STOX1: variants seen among roughly 807,000 people sequenced by gnomAD.
The protein encoded by STOX1 is storkhead box 1.
In STOX1, 57 loss-of-function variants were observed where a neutral mutation model predicts 74.8. The observed-to-expected ratio is 0.76, with a 90% CI of 0.62 to 0.95. The LOEUF (loss-of-function observed/expected upper bound fraction) is 0.95. Among genes scored for constraint, STOX1 ranks in the 40% least tolerant of loss-of-function variants. STOX1 has a pLI of 0.00. For missense variants in STOX1, 1,010 were observed against 1,117.0 expected, an observed-to-expected ratio of 0.90 and a Z score of 1.37; for synonymous variants, 375 against 401.3, an observed-to-expected ratio of 0.93 and a Z score of 0.78.
intron 1 of STOX1, among the ~76,000 whole-genome samples, chr10:68,861,938 T>C (rs1254522558): frequency 6.6e-6 from 1 of 152,064 alleles, no homozygotes; most frequent in Non-Finnish European, 1.5e-5. Flanking sequence ...GATACAAAAG[T>C]CAGAAGTATT....
At chr10:68,887,744 C>T (rs1186802442) in intron 3 of STOX1, among the ~76,000 whole-genome samples, 2 of 151,500 alleles carry the variant, frequency 1.3e-5, no homozygotes, top group Non-Finnish European at 2.9e-5. Flanking sequence ...CAGCCATGCA[C>T]CACAACACCC....
intron 1 of STOX1, among the ~76,000 whole-genome samples, chr10:68,868,515 T>C (rs1487918348): frequency 6.6e-6 from 1 of 152,184 alleles, no homozygotes; most frequent in African/African-American, 2.4e-5. Context: ...GTGAGCATCA[T>C]AGCCATCACG....
At chr10:68,862,092 C>T (rs567167739) in intron 1 of STOX1, among the ~76,000 whole-genome samples, 92 of 151,906 alleles carry the variant, frequency 6.1e-4, no homozygotes, top group Non-Finnish European at 1.1e-3. Context: ...ATTCTTTTGC[C>T]GTTTAGTTAC....
In STOX1 at chr10:68,850,501, A is replaced by G. The variant is rs79041953; in HGVS notation, c.310+22568A>G. On this transcript the variant is annotated intron_variant, in intron 1 of 3. Transcript: ENST00000298596. ...CACAAAGTGCATAAAATAGTTGAAG[A>G]CATCCTTTTCAGAAGGAAGCCTGGT... is the stretch of plus-strand genomic sequence containing the variant. Among the ~76,000 whole-genome samples the G allele has an allele frequency of 1.8e-3, 279 of 152,358 alleles. 3 individuals are homozygous for G. Among genetic ancestry groups the G allele is most frequent in the African/African-American group, 6.4e-3 (265 of 41,582 alleles).
downstream of STOX1, among the ~76,000 whole-genome samples, chr10:68,893,478 C>T (rs1293380012): frequency 1.3e-5 from 2 of 152,184 alleles, no homozygotes; most frequent in South Asian, 4.1e-4. Context: ...AGTGCAGTCG[C>T]ACAATCTCGG....
intron 1 of STOX1, among the ~76,000 whole-genome samples, chr10:68,865,653 C>CA (rs768781149): frequency 2.0e-5 from 3 of 151,878 alleles, no homozygotes; most frequent in Non-Finnish European, 2.9e-5. Context: ...CATCTCGAAA[C>CA]AAAAAAACAA....
intron 1 of STOX1, among the ~76,000 whole-genome samples, chr10:68,876,490 CG>C (rs1435121233): frequency 1.5e-5 from 2 of 137,852 alleles, no homozygotes; most frequent in African/African-American, 2.7e-5. Context: ...TAAATCCTTT[CG>C]TAGTACAGCA....
chr10:68,883,576 G>A (rs1045442450), intron 2 of STOX1, among the ~76,000 whole-genome samples: 1 of 151,866 alleles, frequency 6.6e-6, no homozygotes, highest in African/African-American at 2.4e-5. Context: ...ACCATGCCCT[G>A]CTAATTTTTG....
chr10:68,830,635 G>A (rs960295308), intron 1 of STOX1, among the ~76,000 whole-genome samples: 30 of 152,050 alleles, frequency 2.0e-4, no homozygotes, highest in East Asian at 7.7e-4. Flanking sequence ...GAGCTACCGC[G>A]CCTGACGATT....
At chr10:68,857,154 T>A (rs534963896) in intron 1 of STOX1, among the ~76,000 whole-genome samples, 2 of 152,084 alleles carry the variant, frequency 1.3e-5, no homozygotes, top group African/African-American at 4.8e-5. Context: ...GAGAAAAAAA[T>A]AATATGCAAA....
At chr10:68,840,784 A>G (rs763614747) in intron 1 of STOX1, among the ~76,000 whole-genome samples, 66 of 149,842 alleles carry the variant, frequency 4.4e-4, no homozygotes, top group Non-Finnish European at 6.2e-4. Context: ...CTTGTCTTGA[A>G]CTCCTGAGTT....
In STOX1 at chr10:68,885,864, G is replaced by A; in HGVS notation, c.2068G>A (p.Asp690Asn). Residue 690 changes from aspartate to asparagine, a missense_variant, in exon 3 of 4, where the codon GAC (aspartate) becomes AAC (asparagine). By Grantham distance (23) the Asp-to-Asn change is conservative (BLOSUM62 1). Coordinates refer to ENST00000298596, the MANE Select transcript of STOX1 (RefSeq NM_152709.5). ...PLRQAARQDK[D>N]SEELLRKGFV... ...AAGACAAGCTGCAAGACAAGACAAAGACTCAGAAGAATTATTGAGAAAAGG... is the reference window on the plus strand; with the variant it reads ...AAGACAAGCTGCAAGACAAGACAAAAACTCAGAAGAATTATTGAGAAAAGG... 2 of 1,614,088 alleles carry A rather than the reference G, an allele frequency of 1.2e-6. No homozygotes were observed. The highest frequency in any genetic ancestry group is 2.2e-5 in the South Asian group (2 of 91,088).
chr10:68,841,147 A>G (rs909508019), intron 1 of STOX1, among the ~76,000 whole-genome samples: 3 of 150,458 alleles, frequency 2.0e-5, no homozygotes, highest in African/African-American at 7.3e-5. Flanking sequence ...CGGTTTCACC[A>G]TGTTGGTCAG....
At chr10:68,866,180 T>A (rs143071252) in intron 1 of STOX1, among the ~76,000 whole-genome samples, 1,859 of 152,214 alleles carry the variant, frequency 0.012, 55 homozygotes, top group Non-Finnish European at 0.011. Flanking sequence ...GTTCAGAAGT[T>A]ATAGTTGGTT....
intron 1 of STOX1, among the ~76,000 whole-genome samples, chr10:68,875,453 G>A (rs1189489228): frequency 6.6e-6 from 1 of 152,072 alleles, no homozygotes; most frequent in Admixed American, 6.5e-5. Flanking sequence ...GCAATCTTGA[G>A]ATGTTTCTAT....
chr10:68,868,496 A>G (rs976471721), intron 1 of STOX1, among the ~76,000 whole-genome samples: 9 of 151,968 alleles, frequency 5.9e-5, no homozygotes, highest in Admixed American at 2.0e-4. Context: ...TAAACCAGCA[A>G]CCTCCAGCGT....
At chr10:68,842,020 G>A (rs1163394499) in intron 1 of STOX1, among the ~76,000 whole-genome samples, 1 of 152,068 alleles carries the variant, frequency 6.6e-6, no homozygotes, top group East Asian at 1.9e-4. Flanking sequence ...TGTGTTGGAG[G>A]ATCATGGAAA....
intron 1 of STOX1, among the ~76,000 whole-genome samples, chr10:68,851,603 G>C (rs952931542): frequency 1.3e-5 from 2 of 152,154 alleles, no homozygotes; most frequent in Non-Finnish European, 2.9e-5. Flanking sequence ...CACTTTGGGA[G>C]GCTGAGGCAG....
In STOX1 at chr10:68,884,273, A is replaced by G. The variant is rs1299314705; in HGVS notation, c.477A>G (p.Pro159=). 2.5e-6 allele frequency: 4 copies of G among 1,614,152 alleles called. No individual in the cohort carries two copies. Among genetic ancestry groups the G allele is most frequent in the Non-Finnish European group, 2.5e-6 (3 of 1,180,020 alleles). Residue 159 remains proline, a synonymous_variant, in exon 3 of 4, where the codon CCA becomes CCG. Coordinates refer to ENST00000298596, the MANE Select transcript of STOX1 (RefSeq NM_152709.5). ...TGTCTGTTTTAGGCATTGCAATTCC[A>G]TCGGAAGATATTCTTTATACCACTC... ...LMKHYPGIAI[P]SEDILYTTLG...
Sources: allele counts gnomAD v4.1 joint callset (sites outside exome capture counted in the v4.1 genomes callset), GRCh38; gene constraint gnomAD v4.1.1; transcripts MANE v1.5; gene names NCBI Gene and HGNC (gene_info 2026-07-23, HGNC 2026-07-21).